OSGIN2: variants seen among roughly 807,000 people sequenced by gnomAD.
OSGIN2 encodes the protein oxidative stress-induced growth inhibitor 2.
A neutral mutation model predicts 53.8 loss-of-function variants in OSGIN2; 19 were observed. The observed-to-expected ratio is 0.35, with a 90% CI of 0.25 to 0.52. The LOEUF (loss-of-function observed/expected upper bound fraction) is 0.52. Among genes scored for constraint, OSGIN2 ranks in the 20% least tolerant of loss-of-function variants. OSGIN2 has a pLI of 0.95. For missense variants in OSGIN2, 520 were observed against 662.7 expected (o/e 0.78, Z 2.36); for synonymous variants, 236 against 236.0 (o/e 1.00, Z 0.00).
Position 89,914,560 on chromosome 8 carries a change from A to G in OSGIN2, c.342A>G (p.Leu114=). The part of the protein sequence containing the change: ...ARHLSIVDQD[L]EYLSEGLEGR... ...TCTCCCTTTTGTTCATTCAGGACTT[A>G]GAATACTTGTCTGAGGGCCTTGAGG... The change falls in exon 4 of 6, where the codon TTA becomes TTG. Residue 114 remains leucine, a synonymous_variant. Coordinates refer to ENST00000451899, the MANE Select transcript of OSGIN2 (RefSeq NM_001126111.3). 2 of 1,613,328 alleles carry G rather than the reference A, an allele frequency of 1.2e-6. No individual in the cohort carries two copies.
chr8:89,920,601 T>G (rs1423130050), intron 4 of OSGIN2, among the ~76,000 whole-genome samples: 2 of 152,190 alleles, frequency 1.3e-5, no homozygotes, highest in East Asian at 3.9e-4. Context: ...GATTTTAGAA[T>G]TATAATTGAT....
chr8:89,919,114 C>T (rs1277340263), intron 4 of OSGIN2, among the ~76,000 whole-genome samples: 1 of 152,144 alleles, frequency 6.6e-6, no homozygotes, highest in Non-Finnish European at 1.5e-5. Context: ...CCAATCTAGC[C>T]CTTATTAGGT....
In OSGIN2 at chr8:89,914,691, A is replaced by G. The variant is rs1185001400; in HGVS notation, c.473A>G (p.His158Arg). The G allele has an allele frequency of 1.9e-6, 3 of 1,614,156 alleles. No individual in the cohort carries two copies. Among genetic ancestry groups the G allele is most frequent in the Non-Finnish European group, 2.5e-6 (3 of 1,179,942 alleles). ...GTTTTGCATTGGAAATTAGAGCAAC[A>G]TCATTATATCCCTCACGTAGTTCTT... ...PSVLHWKLEQ[H>R]HYIPHVVLGK... The change falls in exon 4 of 6, where the codon CAT becomes CGT. Residue 158 changes from histidine to arginine, a missense_variant. Physicochemically the swap from His to Arg is conservative, Grantham distance 29 (BLOSUM62 0). This residue lies in a region of OSGIN2 where 203 missense variants were observed against 275.3 expected (regional missense o/e 0.74). Transcript: ENST00000451899.
rs1198842156 is a variant in OSGIN2 at position 89,927,536 on chromosome 8, G to A, written c.*2004G>A. ...TTTGCTATCAGCTATAGCTATTCATGGAAGGGAAGAATCACTAAATACTTG... is the reference window on the plus strand; with the variant it reads ...TTTGCTATCAGCTATAGCTATTCATAGAAGGGAAGAATCACTAAATACTTG... On this transcript the variant is annotated 3_prime_UTR_variant, in exon 6 of 6. Coordinates refer to ENST00000451899, the MANE Select transcript of OSGIN2 (RefSeq NM_001126111.3). 6.6e-6 allele frequency: 1 copy of A among 152,166 alleles called. No homozygotes were observed. The highest frequency in any genetic ancestry group is 6.5e-5 in the Admixed American group (1 of 15,274). 9.4% of individuals were successfully genotyped at this position (152,166 alleles called of 1,614,324 possible).
At position 89,925,705 on chromosome 8, in the gene OSGIN2, A is replaced by G; in HGVS notation, c.*173A>G. The G allele has an allele frequency of 1.8e-6, 1 of 554,840 alleles. No individual in the cohort carries two copies. Among genetic ancestry groups the G allele is most frequent in the Non-Finnish European group, 3.2e-6 (1 of 314,340 alleles). The allele number at this position is 554,840 out of a possible 1,614,324, so 34.4% of individuals were successfully genotyped here. On this transcript the variant is annotated 3_prime_UTR_variant, in exon 6 of 6. Transcript: ENST00000451899. Reference sequence around the variant, plus strand: ...AATTTGGTATCCTGATTTATATTGCAGTGTTTCAAAGGTGTCACTGTCAGA... The same window carrying G: ...AATTTGGTATCCTGATTTATATTGCGGTGTTTCAAAGGTGTCACTGTCAGA...
At chr8:89,905,049 A>G (rs1178094434) in intron 1 of OSGIN2, among the ~76,000 whole-genome samples, 4 of 152,228 alleles carry the variant, frequency 2.6e-5, no homozygotes, top group African/African-American at 4.8e-5. Flanking sequence ...TCCAAAGACT[A>G]TAAAAATTCA....
At chr8:89,911,507 G>C (rs1472750162) in intron 2 of OSGIN2, among the ~76,000 whole-genome samples, 3 of 151,922 alleles carry the variant, frequency 2.0e-5, no homozygotes, top group Non-Finnish European at 2.9e-5. Context: ...GCGGGCAACT[G>C]TAATCCTAGC....
Position 89,924,572 on chromosome 8 carries a change from G to A in OSGIN2, c.690G>A (p.Met230Ile). The A allele has an allele frequency of 6.2e-7, 1 of 1,613,662 alleles. No homozygotes were observed. Among genetic ancestry groups the A allele is most frequent in the Non-Finnish European group, 8.5e-7 (1 of 1,179,652 alleles). The change falls in exon 6 of 6, where the codon ATG (methionine) becomes ATA (isoleucine). Residue 230 changes from methionine to isoleucine, a missense_variant. Around this residue, in one of 3 missense-constraint regions of OSGIN2, gnomAD observed 78 missense variants for 59.1 expected, o/e 1.32. Transcript: ENST00000451899. ...ARYYKHYVKV[M>I]GLQKNFRENT... ...ACTATAAACATTATGTAAAAGTCATGGGTCTTCAGAAGAATTTCAGAGAGA... is the reference window on the plus strand; with the variant it reads ...ACTATAAACATTATGTAAAAGTCATAGGTCTTCAGAAGAATTTCAGAGAGA...
In OSGIN2 at chr8:89,926,986, C is replaced by T. The variant is rs1015120438; in HGVS notation, c.*1454C>T. On this transcript the variant is annotated 3_prime_UTR_variant, in exon 6 of 6. Transcript: ENST00000451899. ...TTCTTAGACTCTTGATAATATCACA[C>T]CTAATTTAACTTGATTTTACAAGCT... is the stretch of plus-strand genomic sequence containing the variant. 1.5e-4 allele frequency: 23 copies of T among 152,092 alleles called. No individual in the cohort carries two copies. Among genetic ancestry groups the T allele is most frequent in the Non-Finnish European group, 4.4e-5 (3 of 67,996 alleles). The allele number at this position is 152,092 out of a possible 1,614,324, so 9.4% of individuals were successfully genotyped here.
intron 1 of OSGIN2, among the ~76,000 whole-genome samples, chr8:89,906,317 AT>A (rs1169237510): frequency 1.3e-5 from 2 of 152,184 alleles, no homozygotes; most frequent in Non-Finnish European, 2.9e-5. Flanking sequence ...AAATCTCATA[AT>A]GTTTTAAGAA....
At position 89,925,611 on chromosome 8, in the gene OSGIN2, A is replaced by G. The variant is rs1192419415; in HGVS notation, c.*79A>G. ...GTGGTTTTGCAGTGTACTGGCTTGA[A>G]TTTTCTGGACTTGAGTTAACTGAAG... On this transcript the variant is annotated 3_prime_UTR_variant, in exon 6 of 6. Coordinates refer to ENST00000451899, the MANE Select transcript of OSGIN2 (RefSeq NM_001126111.3). 2 of 1,115,950 alleles carry G rather than the reference A, an allele frequency of 1.8e-6. No individual in the cohort carries two copies. The highest frequency in any genetic ancestry group is 3.2e-5 in the African/African-American group (2 of 63,254). 69.1% of individuals were successfully genotyped at this position (1,115,950 alleles called of 1,614,324 possible). A position where few individuals can be genotyped will look rare whatever the true frequency, so the allele number is the denominator to read the frequency against.
Position 89,926,767 on chromosome 8 carries a change from T to C in OSGIN2, c.*1235T>C, listed in dbSNP as rs1251684285. 1 of 152,210 alleles carries C rather than the reference T, an allele frequency of 6.6e-6. No individual in the cohort carries two copies. Among genetic ancestry groups the C allele is most frequent in the African/African-American group, 2.4e-5 (1 of 41,460 alleles). The allele number at this position is 152,210 out of a possible 1,614,324, so 9.4% of individuals were successfully genotyped here. ...CAGTCATTTTCTTTTCTTTTTTTGGTACAATTACTTCATCTGGAATGTCTT... is the reference window on the plus strand; with the variant it reads ...CAGTCATTTTCTTTTCTTTTTTTGGCACAATTACTTCATCTGGAATGTCTT... On this transcript the variant is annotated 3_prime_UTR_variant, in exon 6 of 6. Transcript: ENST00000451899.
intron 3 of OSGIN2, 30 bp downstream of exon 3, chr8:89,914,243 A>AT (rs770077664): frequency 2.0e-6 from 3 of 1,528,478 alleles, no homozygotes; most frequent in Non-Finnish European, 2.7e-6. Flanking sequence ...AATTTAAAAA[A>AT]TTTTTTTATG....
chr8:89,912,246 A>G (rs1302706142), intron 2 of OSGIN2, among the ~76,000 whole-genome samples: 3 of 152,230 alleles, frequency 2.0e-5, no homozygotes, highest in African/African-American at 4.8e-5. Flanking sequence ...AGTTCAGGAA[A>G]TCCAGTTTGG....
intron 1 of OSGIN2, among the ~76,000 whole-genome samples, chr8:89,907,434 T>C (rs1250247072): frequency 6.6e-6 from 1 of 152,192 alleles, no homozygotes; most frequent in African/African-American, 2.4e-5. Flanking sequence ...AGAGTTACTT[T>C]TTGTATGTGG....
rs1430914043 is a variant in OSGIN2 at position 89,925,000 on chromosome 8, A to C, written c.1118A>C (p.His373Pro). The change falls in exon 6 of 6, where the codon CAT becomes CCT. Residue 373 changes from histidine to proline, a missense_variant. By Grantham distance (77) the His-to-Pro change is moderately conservative. Transcript: ENST00000451899. ...TACAACAGTAATATCCCTGTGATTC[A>C]TGTGTTTCGCAGACGAGTAACTGAT... is the stretch of plus-strand genomic sequence containing the variant. ...CAYNSNIPVI[H>P]VFRRRVTDPS... 6.2e-7 allele frequency: 1 copy of C among 1,613,910 alleles called. No homozygotes were observed. The highest frequency in any genetic ancestry group is 8.5e-7 in the Non-Finnish European group (1 of 1,179,908).
At position 89,909,570 on chromosome 8, in the gene OSGIN2, C is replaced by T; in HGVS notation, c.48C>T (p.Asn16=). 2.0e-6 allele frequency: 3 copies of T among 1,467,456 alleles called. No individual in the cohort carries two copies. Among genetic ancestry groups the T allele is most frequent in the Non-Finnish European group, 2.8e-6 (3 of 1,088,548 alleles). The allele number at this position is 1,467,456 out of a possible 1,614,324, so 90.9% of individuals were successfully genotyped here. Residue 16 remains asparagine (N), a synonymous_variant, in exon 2 of 6, where the codon AAC becomes AAT. Coordinates refer to ENST00000451899, the MANE Select transcript of OSGIN2 (RefSeq NM_001126111.3). ...CRCSLAGHFR[N]YSDTETEGEI... ...TCCCCCTTTTTTTTTTTTAAAGAAA[C>T]TATAGTGACACTGAAACTGAAGGAG...
At chr8:89,904,750 G>A (rs1021774072) in intron 1 of OSGIN2, among the ~76,000 whole-genome samples, 1 of 152,116 alleles carries the variant, frequency 6.6e-6, no homozygotes, top group Non-Finnish European at 1.5e-5. Context: ...CAGGAGACAC[G>A]TTGCAGTGAC....
At chr8:89,907,998 T>C (rs561768708) in intron 1 of OSGIN2, among the ~76,000 whole-genome samples, 1 of 152,290 alleles carries the variant, frequency 6.6e-6, no homozygotes, top group East Asian at 1.9e-4. Context: ...GGTTTGGAGG[T>C]TTCTGATCAA....
Sources: allele counts gnomAD v4.1 joint callset (sites outside exome capture counted in the v4.1 genomes callset), GRCh38; gene constraint gnomAD v4.1.1; regional missense constraint gnomAD v4.1.1; transcripts MANE v1.5; gene names NCBI Gene and HGNC (gene_info 2026-07-23, HGNC 2026-07-21).